Variants in PRKCQ observed in about 807,000 individuals in gnomAD.
PRKCQ encodes protein kinase C theta, also known as protein kinase C theta type.
Under a neutral mutation model 91.2 loss-of-function variants are expected in PRKCQ, and 41 were observed. The observed-to-expected ratio is 0.45, with a 90% CI of 0.35 to 0.58. The LOEUF (loss-of-function observed/expected upper bound fraction) is 0.58. Among genes scored for constraint, PRKCQ ranks in the 20% least tolerant of loss-of-function variants. The probability of loss-of-function intolerance (pLI) is 0.00; values close to 1 mark genes in which losing one functional copy is unlikely to be tolerated. For missense variants in PRKCQ, 673 were observed against 896.5 expected, an observed-to-expected ratio of 0.75 and a Z score of 3.18; for synonymous variants, 307 against 316.9, an observed-to-expected ratio of 0.97 and a Z score of 0.33.
Position 6,465,267 on chromosome 10 carries a change from C to T in PRKCQ, c.1354-863G>A, listed in dbSNP as rs1301995993. 6.6e-6 allele frequency among the ~76,000 whole-genome samples: 1 copy of T among 152,154 alleles called. No individual in the cohort carries two copies. Among genetic ancestry groups the T allele is most frequent in the African/African-American group, 2.4e-5 (1 of 41,424 alleles). On this transcript the variant is annotated intron_variant, in intron 12 of 17. Transcript: ENST00000263125. The surrounding 1 kb of genome is among the most constrained non-coding windows in gnomAD (Gnocchi z 4.4). ...TGCAATCAAGTTTAACCTTATTTTT[C>T]TCCAGTCCTGACTTAACTCATGGCA...
At chr10:6,439,174 T>C (rs1833846911) in intron 16 of PRKCQ, among the ~76,000 whole-genome samples, 1 of 152,192 alleles carries the variant, frequency 6.6e-6, no homozygotes. Context: ...TGGGAGCTCC[T>C]GGCTCACACC....
At chr10:6,507,584 G>C (rs549581331) in intron 3 of PRKCQ, 88 bp from the exon 4 acceptor site, 1 of 1,106,604 alleles carries the variant, frequency 9.0e-7, no homozygotes, top group Non-Finnish European at 1.4e-6. Context: ...GATGGCAGGA[G>C]ATTTCCACCA....
chr10:6,418,024 C>T, the PRKCQ span, among the ~76,000 whole-genome samples: 1 of 152,158 alleles, frequency 6.6e-6, no homozygotes, highest in African/African-American at 2.4e-5. Context: ...TCCCAGATGC[C>T]CGTCTTCTTG....
At chr10:6,484,486 C>A (rs907623832) in intron 10 of PRKCQ, among the ~76,000 whole-genome samples, 1 of 152,156 alleles carries the variant, frequency 6.6e-6, no homozygotes, top group Non-Finnish European at 1.5e-5. Context: ...TGCCTGGCAA[C>A]CCCTCCTAAA....
the PRKCQ span, among the ~76,000 whole-genome samples, chr10:6,402,618 G>A: frequency 6.6e-6 from 1 of 152,206 alleles, no homozygotes; most frequent in South Asian, 2.1e-4. Flanking sequence ...CTTGTATAAA[G>A]TGAAGCACTG....
At chr10:6,414,703 A>ATGT in the PRKCQ span, among the ~76,000 whole-genome samples, 1 of 152,300 alleles carries the variant, frequency 6.6e-6, no homozygotes, top group East Asian at 1.9e-4. Context: ...TAGATATTAC[A>ATGT]AAGAAAATAT....
chr10:6,419,139 T>G, the PRKCQ span, among the ~76,000 whole-genome samples: 2 of 152,164 alleles, frequency 1.3e-5, no homozygotes, highest in Non-Finnish European at 2.9e-5. Flanking sequence ...CGTCCATTTA[T>G]CTCCTTTCTA....
chr10:6,452,814 C>T (rs1287445037), intron 15 of PRKCQ, among the ~76,000 whole-genome samples: 1 of 149,004 alleles, frequency 6.7e-6, no homozygotes, highest in East Asian at 2.0e-4. Flanking sequence ...GAAAAACAAG[C>T]AATGGGGAAA....
chr10:6,404,701 TTTTC>T, the PRKCQ span, among the ~76,000 whole-genome samples: 45 of 148,432 alleles, frequency 3.0e-4, 2 homozygotes, highest in East Asian at 9.9e-4. Context: ...TTCTTTCCTT[TTTTC>T]TTTCTTTCTC....
At chr10:6,403,665 G>A in the PRKCQ span, among the ~76,000 whole-genome samples, 1 of 152,092 alleles carries the variant, frequency 6.6e-6, no homozygotes, top group African/African-American at 2.4e-5. Context: ...TTTAATCTAC[G>A]CACCTCTTAT....
chr10:6,458,721 G>C (rs749370462), intron 14 of PRKCQ, among the ~76,000 whole-genome samples: 1 of 152,124 alleles, frequency 6.6e-6, no homozygotes, highest in African/African-American at 2.4e-5. Context: ...TGCCTTGCTT[G>C]TCTCATGGGG....
At chr10:6,473,645 C>T (rs1836111678) in intron 12 of PRKCQ, among the ~76,000 whole-genome samples, 1 of 152,146 alleles carries the variant, frequency 6.6e-6, no homozygotes, top group Admixed American at 6.5e-5. Context: ...GATGTGGTTT[C>T]CGTGGGTTTT....
chr10:6,469,036 A>G (rs575176600), intron 12 of PRKCQ, among the ~76,000 whole-genome samples: 24 of 152,360 alleles, frequency 1.6e-4, no homozygotes, highest in African/African-American at 5.8e-4. Flanking sequence ...TAACTTTATC[A>G]CATACATTGT....
At chr10:6,508,036 T>A (rs1443243909) in intron 3 of PRKCQ, among the ~76,000 whole-genome samples, 2 of 152,150 alleles carry the variant, frequency 1.3e-5, no homozygotes, top group Admixed American at 6.5e-5. Context: ...TTTAGGAAAG[T>A]CTTGGATGGT....
the PRKCQ span, among the ~76,000 whole-genome samples, chr10:6,395,054 G>GTTTTTTTTTTTTT: frequency 1.1e-4 from 14 of 129,968 alleles, no homozygotes; most frequent in African/African-American, 3.7e-4. Context: ...GGAAGCTGGA[G>GTTTTTTTTTTTTT]TCTTTTTTTT....
At chr10:6,424,438 C>T (rs1324332563), downstream of PRKCQ, among the ~76,000 whole-genome samples, 2 of 152,212 alleles carry the variant, frequency 1.3e-5, no homozygotes, top group East Asian at 1.9e-4. Context: ...CAGTCCTCTC[C>T]TTCCGCAGTC....
intron 1 of PRKCQ, among the ~76,000 whole-genome samples, chr10:6,577,784 AG>A (rs1247620129): frequency 6.6e-6 from 1 of 152,228 alleles, no homozygotes; most frequent in Non-Finnish European, 1.5e-5. Context: ...CATTAAAAAC[AG>A]GAAGTACTAA....
At chr10:6,444,628 C>G (rs1351034793) in intron 15 of PRKCQ, among the ~76,000 whole-genome samples, 2 of 152,110 alleles carry the variant, frequency 1.3e-5, no homozygotes, top group Non-Finnish European at 2.9e-5. Context: ...CAGTCAGACT[C>G]TCTTGGGGAT....
At chr10:6,504,753 C>T (rs1838094788) in intron 4 of PRKCQ, among the ~76,000 whole-genome samples, 3 of 152,134 alleles carry the variant, frequency 2.0e-5, no homozygotes, top group Non-Finnish European at 4.4e-5. Flanking sequence ...TGCTCTCCTC[C>T]TTGTCATCAA....
Sources: gnomAD v4.1 joint callset for allele counts (sites outside exome capture counted in the v4.1 genomes callset) on GRCh38, gnomAD v4.1.1 for gene constraint, Gnocchi (gnomAD v3.1) non-coding constraint, MANE v1.5 for transcripts, NCBI Gene and HGNC (gene_info 2026-07-23, HGNC 2026-07-21) for gene names.